FAM171A1: variants seen among roughly 807,000 people sequenced by gnomAD.
The protein encoded by FAM171A1 is family with sequence similarity 171 member A1.
Under a neutral mutation model 74.9 loss-of-function variants are expected in FAM171A1, and 23 were observed. That is an observed-to-expected ratio of 0.31 (90% CI 0.22 to 0.44). FAM171A1 has a LOEUF of 0.44. Among genes scored for constraint, FAM171A1 ranks in the 20% least tolerant of loss-of-function variants. The probability of loss-of-function intolerance (pLI) is 1.00; values close to 1 mark genes in which losing one functional copy is unlikely to be tolerated. For synonymous variants in FAM171A1, 527 were observed against 505.7 expected, an observed-to-expected ratio of 1.04 and a Z score of -0.57; for missense variants, 1,162 against 1,159.2, an observed-to-expected ratio of 1.00 and a Z score of -0.03.
intron 5 of FAM171A1, among the ~76,000 whole-genome samples, chr10:15,246,542 G>C (rs182436277): frequency 6.6e-6 from 1 of 151,648 alleles, no homozygotes; most frequent in Non-Finnish European, 1.5e-5. Context: ...TTCTTTTTTC[G>C]AGACAGTCTT....
chr10:15,288,921 C>T (rs999969683), intron 1 of FAM171A1, among the ~76,000 whole-genome samples: 2 of 141,184 alleles, frequency 1.4e-5, no homozygotes, highest in Non-Finnish European at 3.0e-5. Context: ...TTCCCGGGTT[C>T]AAGCGATTCT....
chr10:15,264,329 A>G (rs1257717320), intron 3 of FAM171A1, among the ~76,000 whole-genome samples: 1 of 152,072 alleles, frequency 6.6e-6, no homozygotes, highest in East Asian at 1.9e-4. Flanking sequence ...TTACACCATT[A>G]CTTTCCTCAC....
At chr10:15,304,199 C>T (rs2131830625) in intron 1 of FAM171A1, among the ~76,000 whole-genome samples, 1 of 152,350 alleles carries the variant, frequency 6.6e-6, no homozygotes, top group East Asian at 1.9e-4. Flanking sequence ...CTACTCATAA[C>T]TGAGAAGGGA....
chr10:15,223,681 T>C (rs1012968906), intron 5 of FAM171A1, among the ~76,000 whole-genome samples: 3 of 152,132 alleles, frequency 2.0e-5, no homozygotes, highest in African/African-American at 7.2e-5. Flanking sequence ...GGTGGATCAC[T>C]TGAGGTCAGG....
chr10:15,294,628 G>C (rs766649682), intron 1 of FAM171A1, among the ~76,000 whole-genome samples: 17 of 152,170 alleles, frequency 1.1e-4, no homozygotes, highest in African/African-American at 3.9e-4. Flanking sequence ...GTAGTACAAA[G>C]AGCATCTGCT....
chr10:15,309,221 A>G (rs1350048067), intron 1 of FAM171A1, among the ~76,000 whole-genome samples: 2 of 152,076 alleles, frequency 1.3e-5, no homozygotes, highest in Non-Finnish European at 2.9e-5. Context: ...ACTTACTACT[A>G]TTTTTGAGAC....
intron 1 of FAM171A1, among the ~76,000 whole-genome samples, chr10:15,343,790 C>A (rs111699079): frequency 2.0e-5 from 3 of 151,842 alleles, no homozygotes; most frequent in Non-Finnish European, 4.4e-5. Context: ...CCAGCCTGGA[C>A]GAGAGAGCAA....
intron 5 of FAM171A1, among the ~76,000 whole-genome samples, chr10:15,242,547 G>A (rs1834375893): frequency 6.6e-6 from 1 of 152,216 alleles, no homozygotes; most frequent in Non-Finnish European, 1.5e-5. Context: ...AGCTCTTTGG[G>A]AGGCTGAGAT....
At chr10:15,231,959 G>A (rs1006322208) in intron 5 of FAM171A1, among the ~76,000 whole-genome samples, 1 of 152,126 alleles carries the variant, frequency 6.6e-6, no homozygotes, top group Non-Finnish European at 1.5e-5. Context: ...GGGCCGTGGT[G>A]GCAGGTGCCT....
chr10:15,250,586 C>T (rs923752477), intron 4 of FAM171A1, among the ~76,000 whole-genome samples: 19 of 152,128 alleles, frequency 1.2e-4, no homozygotes, highest in African/African-American at 3.1e-4. Context: ...AGTGAAACCC[C>T]GTTTGCACAA....
At chr10:15,334,686 C>A (rs1272066614) in intron 1 of FAM171A1, among the ~76,000 whole-genome samples, 2 of 152,138 alleles carry the variant, frequency 1.3e-5, no homozygotes, top group African/African-American at 4.8e-5. Flanking sequence ...GGTGGCACCT[C>A]TCAGAGATTT....
intron 6 of FAM171A1, among the ~76,000 whole-genome samples, chr10:15,216,590 C>T (rs757843307): frequency 3.3e-5 from 5 of 152,120 alleles, no homozygotes; most frequent in Non-Finnish European, 7.4e-5. Context: ...ACCACCACAC[C>T]TGGCTAATTT....
chr10:15,348,102 C>T (rs1446366988), intron 1 of FAM171A1, among the ~76,000 whole-genome samples: 1 of 152,050 alleles, frequency 6.6e-6, no homozygotes, highest in Non-Finnish European at 1.5e-5. Context: ...CTCAGCCTCC[C>T]GAGTAGCTGG....
chr10:15,370,451 G>C (rs2131898485), intron 1 of FAM171A1, among the ~76,000 whole-genome samples: 1 of 151,320 alleles, frequency 6.6e-6, no homozygotes, highest in African/African-American at 2.4e-5. Context: ...CCGGGACACA[G>C]GGGGCACCCC....
At position 15,254,917 on chromosome 10, in the gene FAM171A1, C is replaced by T. The variant is rs779931390; in HGVS notation, c.419-38G>A. On this transcript the variant is annotated intron_variant, in intron 3 of 7. Coordinates refer to ENST00000378116, the MANE Select transcript of FAM171A1 (RefSeq NM_001010924.2). ...ACCTCCGAGTTATCTCCCCCAGGAGCAGTTTCTGTTTTTAGAAAATGCAAA... is the reference window on the plus strand; with the variant it reads ...ACCTCCGAGTTATCTCCCCCAGGAGTAGTTTCTGTTTTTAGAAAATGCAAA... 2.5e-6 allele frequency: 4 copies of T among 1,590,966 alleles called. No individual in the cohort carries two copies. The South Asian group carries it at 4.4e-5, about 18-fold the overall frequency.
intron 1 of FAM171A1, 100 bp from the exon 2 acceptor site, chr10:15,284,205 A>C: frequency 9.5e-7 from 1 of 1,052,098 alleles, no homozygotes. Context: ...GGGCTCTGTA[A>C]GGACATCAAG....
At chr10:15,335,449 G>A (rs543620936) in intron 1 of FAM171A1, among the ~76,000 whole-genome samples, 14 of 152,108 alleles carry the variant, frequency 9.2e-5, no homozygotes, top group Admixed American at 5.2e-4. Flanking sequence ...TAATAAGTGT[G>A]CACAAAAGAA....
chr10:15,293,383 C>A (rs913079525), intron 1 of FAM171A1, among the ~76,000 whole-genome samples: 1 of 151,800 alleles, frequency 6.6e-6, no homozygotes, highest in Non-Finnish European at 1.5e-5. Context: ...TATTTATTGA[C>A]CAGCTGCTAT....
chr10:15,304,721 CCTCCCTCT>C (rs1281665495), intron 1 of FAM171A1, among the ~76,000 whole-genome samples: 2 of 151,958 alleles, frequency 1.3e-5, no homozygotes, highest in Non-Finnish European at 2.9e-5. Context: ...TTTTAACTTC[CCTCCCTCT>C]CTCCCTCTCT....
Sources: allele counts gnomAD v4.1 joint callset (sites outside exome capture counted in the v4.1 genomes callset), GRCh38; gene constraint gnomAD v4.1.1; transcripts MANE v1.5; gene names NCBI Gene and HGNC (gene_info 2026-07-23, HGNC 2026-07-21).